BAG6: variants seen among roughly 807,000 people sequenced by gnomAD.
BAG6 encodes the protein BAG cochaperone 6.
In BAG6, 22 loss-of-function variants were observed where a neutral mutation model predicts 121.0. The ratio of observed to expected loss-of-function variants is 0.18; its 90% confidence interval spans 0.13 to 0.26. BAG6 has a LOEUF of 0.26. Among genes scored for constraint, BAG6 ranks in the 10% least tolerant of loss-of-function variants. The pLI, the probability that BAG6 is intolerant of heterozygous loss-of-function variation, is 1.00. For missense variants in BAG6, 1,233 were observed against 1,537.7 expected (o/e 0.80, Z 3.31); for synonymous variants, 583 against 584.6 (o/e 1.00, Z 0.04).
At chr6:31,649,909 C>G (rs1185487715) in intron 2 of BAG6, among the ~76,000 whole-genome samples, 1 of 151,998 alleles carries the variant, frequency 6.6e-6, no homozygotes, top group African/African-American at 2.4e-5. Context: ...CGAGACCAGC[C>G]TGGCCAACAT....
rs1781368682 is a variant in BAG6, at chr6:31,640,289, G to A, written c.3156C>T (p.Ile1052=). The change falls in exon 24 of 26, where the codon ATC becomes ATT. Residue 1052 remains isoleucine (I), a synonymous_variant. Transcript: ENST00000676615. This position sits in a 1 kb window ranked among gnomAD's most constrained non-coding sequence, Gnocchi z 4.2. Reference sequence around the variant, plus strand: ...TCCGCTGGCTCTGAATGTCCTGCTGGATAATAGGGACCCATTCCTGGGGAG... The same window carrying A: ...TCCGCTGGCTCTGAATGTCCTGCTGAATAATAGGGACCCATTCCTGGGGAG... ...AAVPPEWVPI[I]QQDIQSQRKV... The A allele has an allele frequency of 6.2e-7, 1 of 1,614,206 alleles. No individual in the cohort carries two copies.
At chr6:31,652,244 G>A (rs1797781657) in intron 1 of BAG6, 180 bp downstream of exon 1, 1 of 162,470 alleles carries the variant, frequency 6.2e-6, no homozygotes, top group Non-Finnish European at 1.4e-5. Flanking sequence ...CGGGGCGACA[G>A]ACCTGCTAGC....
In BAG6 at chr6:31,647,806, C is replaced by T. The variant is rs752537003; in HGVS notation, c.573G>A (p.Pro191=). 8 of 1,562,034 alleles carry T rather than the reference C, an allele frequency of 5.1e-6. No homozygotes were observed. Among genetic ancestry groups the T allele is most frequent in the African/African-American group, 2.8e-5 (2 of 72,464 alleles). Residue 191 remains proline (P), a synonymous_variant, in exon 7 of 26, where the codon CCG becomes CCA. Coordinates refer to ENST00000676615, the MANE Select transcript of BAG6 (RefSeq NM_001387994.1). ...SRMECRGGPQ[P]QHSQPPPQPP... is the part of the protein sequence containing the mutation. ...GCTGCGGGGGCGGCTGACTGTGCTG[C>T]GGTTGGGGCCCTCCTCGACACTGAA...
intron 1 of BAG6, 83 bp from the exon 2 acceptor site, chr6:31,651,859 C>A: frequency 1.0e-6 from 1 of 992,852 alleles, no homozygotes; most frequent in Non-Finnish European, 1.6e-6. Context: ...AATCCCTGCC[C>A]CAATACCTAA....
In BAG6 at chr6:31,644,373, T is replaced by C; in HGVS notation, c.1489A>G (p.Met497Val). 1 of 1,551,774 alleles carries C rather than the reference T, an allele frequency of 6.4e-7. No individual in the cohort carries two copies. Among genetic ancestry groups the C allele is most frequent in the Non-Finnish European group, 8.7e-7 (1 of 1,147,456 alleles). Residue 497 changes from methionine (M) to valine (V), a missense_variant, in exon 12 of 26, where the codon ATG becomes GTG. Around this residue, in one of 7 missense-constraint regions of BAG6, gnomAD observed 777 missense variants for 861.4 expected, o/e 0.90. Transcript: ENST00000676615. The surrounding 1 kb of genome is among the most constrained non-coding windows in gnomAD (Gnocchi z 4.9). ...GTGATCTGGTGGGCGACGGCGTGCA[T>C]GAACTCAGGGGGCAGGGAGGGCAGC... Reference protein sequence around the residue: ...IQLPSLPPEFMHAVAHQITHQ... With the variant: ...IQLPSLPPEFVHAVAHQITHQ...
chr6:31,644,024 C>T lies in BAG6; in HGVS notation c.1669-47G>A, dbSNP rs757803163. 2.5e-6 allele frequency: 4 copies of T among 1,613,128 alleles called. No individual in the cohort carries two copies. The South Asian group carries it at 3.3e-5, about 13-fold the overall frequency. ...ATTTCAGACCTGCCCTTCCATGCAC[C>T]ACCACAGGAGTCTCTCCCTAGACTG... On this transcript the variant is annotated intron_variant, in intron 13 of 25. Transcript: ENST00000676615. The surrounding 1 kb of genome is among the most constrained non-coding windows in gnomAD (Gnocchi z 4.9).
In BAG6 at chr6:31,645,609, G is replaced by A. The variant is rs745372384; in HGVS notation, c.919-5C>T. 158 of 1,612,438 alleles carry A rather than the reference G, an allele frequency of 9.8e-5. No individual in the cohort carries two copies. The highest frequency in any genetic ancestry group is 1.7e-4 in the African/African-American group (13 of 74,918). ...ATCCTCCTCCCGGCCCTCGTGCTGC[G>A]CACAACCAGCCAAACACAAAAAGGC... On this transcript the variant is annotated splice_polypyrimidine_tract_variant and splice_region_variant and intron_variant, in intron 8 of 25. Transcript: ENST00000676615.
At chr6:31,645,359 C>T in intron 9 of BAG6, 48 bp downstream of exon 9, 1 of 1,612,672 alleles carries the variant, frequency 6.2e-7, no homozygotes. Flanking sequence ...CTGGGTCACT[C>T]TATCAACACC....
rs750997006 is a variant in BAG6, at chr6:31,642,907, AGACCCTCCAGCCCCT to A, written c.1950_1964del (p.Ala652_Gly656del). On this transcript the variant is annotated inframe_deletion, in exon 15 of 26. Coordinates refer to ENST00000676615, the MANE Select transcript of BAG6 (RefSeq NM_001387994.1). ...CAGTGATGGTGGGAGAAGCCACACC[AGACCCTCCAGCCCCT>A]GGCCCTGCAGGCCCTAGCAGGTTCC... The A allele has an allele frequency of 6.2e-7, 1 of 1,611,584 alleles. No homozygotes were observed. Among genetic ancestry groups the A allele is most frequent in the East Asian group, 2.2e-5 (1 of 44,794 alleles).
chr6:31,645,735 C>T (rs1476686412), intron 8 of BAG6, 131 bp from the exon 9 acceptor site: 1 of 1,051,200 alleles, frequency 9.5e-7, no homozygotes, highest in African/African-American at 1.6e-5. Flanking sequence ...TGGAAGTTTA[C>T]ATGTAGACCA....
Position 31,642,923 on chromosome 6 carries a change from G to T in BAG6, c.1949C>A (p.Pro650Gln). The change falls in exon 15 of 26, where the codon CCA becomes CAA. Residue 650 changes from proline (P) to glutamine (Q), a missense_variant. By Grantham distance (76) the Pro-to-Gln change is moderately conservative. Coordinates refer to ENST00000676615, the MANE Select transcript of BAG6 (RefSeq NM_001387994.1). ...LLGNLLGPAG[P>Q]GAGGSGVASP... ...AGCCACACCAGACCCTCCAGCCCCT[G>T]GCCCTGCAGGCCCTAGCAGGTTCCC... 2 of 1,609,396 alleles carry T rather than the reference G, an allele frequency of 1.2e-6. No homozygotes were observed. The highest frequency in any genetic ancestry group is 4.5e-5 in the East Asian group (2 of 44,728).
intron 2 of BAG6, 79 bp downstream of exon 2, chr6:31,651,577 A>G: frequency 2.1e-5 from 27 of 1,283,132 alleles, no homozygotes; most frequent in Non-Finnish European, 3.0e-5. Flanking sequence ...TGACCAGAAA[A>G]TCAAGCTCAT....
chr6:31,639,950 G>C (rs1438274155), intron 24 of BAG6, among the ~76,000 whole-genome samples: 1 of 152,168 alleles, frequency 6.6e-6, no homozygotes, highest in Non-Finnish European at 1.5e-5. Flanking sequence ...AAGGAAAATG[G>C]GATCTAAGCA....
intron 14 of BAG6, among the ~76,000 whole-genome samples, chr6:31,643,529 C>G (rs1342906487): frequency 6.6e-6 from 1 of 151,856 alleles, no homozygotes; most frequent in Non-Finnish European, 1.5e-5. Flanking sequence ...CGAGACCATC[C>G]TGGCCAACAT....
In BAG6 at chr6:31,648,641, G is replaced by A. The variant is rs756927787; in HGVS notation, c.552+36C>T. On this transcript the variant is annotated intron_variant, in intron 6 of 25. Coordinates refer to ENST00000676615, the MANE Select transcript of BAG6 (RefSeq NM_001387994.1). ...AGGCTGAGAGAAAAGGGAGAGGGAG[G>A]GTGGAGAGAGACCCTAGCCAGCCTT... is the stretch of plus-strand genomic sequence containing the variant. 8 of 1,601,534 alleles carry A rather than the reference G, an allele frequency of 5.0e-6. No homozygotes were observed. In the Admixed American group the frequency reaches 1.3e-4, roughly 27 times the overall value.
Position 31,644,512 on chromosome 6 carries a change from C to T in BAG6, c.1447+13G>A, listed in dbSNP as rs753085414. ...ACCCAGAGCTCAGCCTGCCCTGATG[C>T]CCTCACTCTTACCCAGGGTTTGGCC... is the stretch of plus-strand genomic sequence containing the variant. On this transcript the variant is annotated intron_variant, in intron 11 of 25. Transcript: ENST00000676615. This position sits in a 1 kb window ranked among gnomAD's most constrained non-coding sequence, Gnocchi z 4.9. 2 of 1,605,106 alleles carry T rather than the reference C, an allele frequency of 1.2e-6. No homozygotes were observed. The highest frequency in any genetic ancestry group is 1.7e-6 in the Non-Finnish European group (2 of 1,176,152).
chr6:31,645,555 C>T lies in BAG6; in HGVS notation c.968G>A (p.Ser323Asn). Residue 323 changes from serine to asparagine, a missense_variant, in exon 9 of 26, where the codon AGC becomes AAC. This residue lies in a region of BAG6 where 777 missense variants were observed against 861.4 expected (regional missense o/e 0.90). Transcript: ENST00000676615. ...DQRLINLVGE[S>N]LRLLGNTFVA... Reference sequence around the variant, plus strand: ...AAAGGTGTTGCCCAGCAGTCGCAGGCTCTCCCCTACCAAGTTGATCAACCG... The same window carrying T: ...AAAGGTGTTGCCCAGCAGTCGCAGGTTCTCCCCTACCAAGTTGATCAACCG... 6.2e-7 allele frequency: 1 copy of T among 1,613,150 alleles called. No homozygotes were observed. Among genetic ancestry groups the T allele is most frequent in the Non-Finnish European group, 8.5e-7 (1 of 1,180,036 alleles).
intron 2 of BAG6, among the ~76,000 whole-genome samples, chr6:31,651,186 C>T (rs1247049821): frequency 6.6e-6 from 1 of 152,222 alleles, no homozygotes. Flanking sequence ...ACAAAATCAG[C>T]CTCACTCACA....
Position 31,647,698 on chromosome 6 carries a change from G to A in BAG6, c.681C>T (p.Pro227=), listed in dbSNP as rs1791357607. The A allele has an allele frequency of 6.2e-7, 1 of 1,603,588 alleles. No homozygotes were observed. Among genetic ancestry groups the A allele is most frequent in the Non-Finnish European group, 8.5e-7 (1 of 1,176,406 alleles). ...GCTCCTCCACTTCTTCTGCCTCCATGGGCTCCCGGGGAGGTGCTTCACTTT... is the reference window on the plus strand; with the variant it reads ...GCTCCTCCACTTCTTCTGCCTCCATAGGCTCCCGGGGAGGTGCTTCACTTT... ...PVESEAPPRE[P]MEAEEVEERA... The change falls in exon 7 of 26, where the codon CCC becomes CCT. Residue 227 remains proline, a synonymous_variant. Coordinates refer to ENST00000676615, the MANE Select transcript of BAG6 (RefSeq NM_001387994.1).
Sources: gnomAD v4.1 joint callset for allele counts (sites outside exome capture counted in the v4.1 genomes callset) on GRCh38, gnomAD v4.1.1 for gene constraint, gnomAD v4.1.1 regional missense constraint, Gnocchi (gnomAD v3.1) non-coding constraint, MANE v1.5 for transcripts, NCBI Gene and HGNC (gene_info 2026-07-23, HGNC 2026-07-21) for gene names.